GPR158: variants seen among roughly 807,000 people sequenced by gnomAD.
GPR158 encodes G protein-coupled receptor 158, also known as metabotropic glycine receptor.
GPR158 carries 30 observed loss-of-function variants against 78.2 expected under a neutral mutation model. The ratio of observed to expected loss-of-function variants is 0.38; its 90% confidence interval spans 0.29 to 0.52. GPR158 has a LOEUF of 0.52. Among genes scored for constraint, GPR158 ranks in the 20% least tolerant of loss-of-function variants. The pLI is 0.83. For synonymous variants in GPR158, 581 were observed against 591.1 expected (o/e 0.98, Z 0.25); for missense variants, 1,463 against 1,523.5 (o/e 0.96, Z 0.66).
chr10:25,483,409 C>A (rs1835685998), intron 5 of GPR158, among the ~76,000 whole-genome samples: 3 of 151,992 alleles, frequency 2.0e-5, no homozygotes, highest in Non-Finnish European at 4.4e-5. Context: ...ATATATTCTT[C>A]TTGATGAAGC....
intron 5 of GPR158, among the ~76,000 whole-genome samples, chr10:25,495,203 A>C (rs1381727173): frequency 1.3e-5 from 2 of 151,308 alleles, no homozygotes; most frequent in Admixed American, 6.6e-5. Context: ...CAGTTTACCG[A>C]AGTTTATTTA....
At chr10:25,400,581 G>T (rs578192134) in intron 3 of GPR158, among the ~76,000 whole-genome samples, 5 of 152,282 alleles carry the variant, frequency 3.3e-5, no homozygotes, top group African/African-American at 1.2e-4. Context: ...CTGACATCTG[G>T]ATAGTAGCAG....
At chr10:25,225,319 AATACTTT>A (rs902904999) in intron 2 of GPR158, among the ~76,000 whole-genome samples, 12 of 152,140 alleles carry the variant, frequency 7.9e-5, no homozygotes, top group African/African-American at 2.6e-4. Flanking sequence ...AAGAATCATA[AATACTTT>A]ATACTTTAAA....
chr10:25,576,288 G>T (rs147559659), intron 7 of GPR158, among the ~76,000 whole-genome samples: 8 of 152,166 alleles, frequency 5.3e-5, no homozygotes, highest in Non-Finnish European at 7.4e-5. Context: ...TATAAATGAC[G>T]ATGTACGGGA....
chr10:25,336,532 C>T (rs1244269504), intron 2 of GPR158, among the ~76,000 whole-genome samples: 1 of 152,034 alleles, frequency 6.6e-6, no homozygotes, highest in Non-Finnish European at 1.5e-5. Flanking sequence ...TTGGTGCAAT[C>T]TCCTATTCCC....
chr10:25,405,845 G>T (rs1466516035), intron 3 of GPR158, among the ~76,000 whole-genome samples: 1 of 152,066 alleles, frequency 6.6e-6, no homozygotes, highest in African/African-American at 2.4e-5. Flanking sequence ...TTTTGTGAAT[G>T]TAAAGGAAAG....
At chr10:25,364,864 C>T (rs1340662238) in intron 2 of GPR158, among the ~76,000 whole-genome samples, 1 of 151,730 alleles carries the variant, frequency 6.6e-6, no homozygotes, top group Non-Finnish European at 1.5e-5. Flanking sequence ...TTTAGAGTAG[C>T]AGACAAGGCA....
At chr10:25,550,146 G>A (rs994892512) in intron 5 of GPR158, among the ~76,000 whole-genome samples, 3 of 152,104 alleles carry the variant, frequency 2.0e-5, no homozygotes, top group South Asian at 2.1e-4. Flanking sequence ...GGAATTGGCC[G>A]CTCGTTTCTT....
chr10:25,317,270 A>G (rs1854868517), intron 2 of GPR158, among the ~76,000 whole-genome samples: 1 of 151,562 alleles, frequency 6.6e-6, no homozygotes, highest in African/African-American at 2.4e-5. Context: ...CTGGTCTCGA[A>G]CTCCTGACCT....
chr10:25,521,982 TTC>T (rs1408217671), intron 5 of GPR158, among the ~76,000 whole-genome samples: 1 of 152,194 alleles, frequency 6.6e-6, no homozygotes, highest in Non-Finnish European at 1.5e-5. Flanking sequence ...TTGCTTGATC[TTC>T]TCTTTTGACT....
chr10:25,226,066 A>G (rs538794742), intron 2 of GPR158, among the ~76,000 whole-genome samples: 2 of 151,792 alleles, frequency 1.3e-5, no homozygotes, highest in Non-Finnish European at 2.9e-5. Flanking sequence ...TGTCAGTTCC[A>G]TCTTGTGGCT....
At chr10:25,386,211 A>T (rs933671530) in intron 2 of GPR158, among the ~76,000 whole-genome samples, 3 of 152,184 alleles carry the variant, frequency 2.0e-5, no homozygotes, top group Non-Finnish European at 4.4e-5. Context: ...GTTGAAGAGA[A>T]TGTCCTGTCC....
At chr10:25,356,662 C>T (rs1254521198) in intron 2 of GPR158, among the ~76,000 whole-genome samples, 1 of 152,102 alleles carries the variant, frequency 6.6e-6, no homozygotes, top group East Asian at 1.9e-4. Context: ...ATGTGACTTG[C>T]TCATCCTTGC....
chr10:25,595,091 A>G (rs1017424877), intron 9 of GPR158, among the ~76,000 whole-genome samples: 2 of 152,182 alleles, frequency 1.3e-5, no homozygotes, highest in Non-Finnish European at 1.5e-5. Context: ...TCTTTTATAC[A>G]TAAACACAAT....
chr10:25,207,930 T>C (rs998821665), intron 1 of GPR158, among the ~76,000 whole-genome samples: 1 of 152,232 alleles, frequency 6.6e-6, no homozygotes, highest in Admixed American at 6.5e-5. Context: ...GGTTAGCTGC[T>C]TTTGATATTA....
chr10:25,372,440 A>G (rs1316990542), intron 2 of GPR158, among the ~76,000 whole-genome samples: 2 of 144,684 alleles, frequency 1.4e-5, no homozygotes, highest in East Asian at 3.9e-4. Context: ...TCACAATAAC[A>G]AAGACTTGGA....
At chr10:25,257,425 TG>T (rs751848892) in intron 2 of GPR158, among the ~76,000 whole-genome samples, 6 of 152,160 alleles carry the variant, frequency 3.9e-5, no homozygotes, top group Admixed American at 6.5e-5. Context: ...TGATTAGCAT[TG>T]AGTTTCATGT....
intron 1 of GPR158, among the ~76,000 whole-genome samples, chr10:25,204,201 A>G (rs1173797701): frequency 1.3e-5 from 2 of 152,186 alleles, no homozygotes; most frequent in African/African-American, 4.8e-5. Flanking sequence ...ATCTGCAAAC[A>G]AAGACAATTT....
intron 7 of GPR158, among the ~76,000 whole-genome samples, chr10:25,583,697 G>C (rs889021556): frequency 6.6e-6 from 1 of 151,954 alleles, no homozygotes; most frequent in Non-Finnish European, 1.5e-5. Flanking sequence ...TAAGTGGATA[G>C]GATATAGAGA....
Sources: gnomAD v4.1 joint callset for allele counts (sites outside exome capture counted in the v4.1 genomes callset) on GRCh38, gnomAD v4.1.1 for gene constraint, MANE v1.5 for transcripts, NCBI Gene and HGNC (gene_info 2026-07-23, HGNC 2026-07-21) for gene names.